DBH: variants seen among roughly 807,000 people sequenced by gnomAD.
DBH encodes the protein dopamine beta-hydroxylase (dopamine beta-monooxygenase).
In DBH, 49 loss-of-function variants were observed where a neutral mutation model predicts 64.0. That is an observed-to-expected ratio of 0.77 (90% CI 0.61 to 0.97). The LOEUF is 0.97. DBH is among the 50% of genes least tolerant of loss of function. The pLI, the probability that DBH is intolerant of heterozygous loss-of-function variation, is 0.00. For missense variants in DBH, 828 were observed against 826.6 expected (o/e 1.00, Z -0.02); for synonymous variants, 343 against 347.1 (o/e 0.99, Z 0.13).
chr9:133,636,780 C>A, intron 1 of DBH, 70 bp downstream of exon 1: 1 of 1,387,482 alleles, frequency 7.2e-7, no homozygotes, highest in Non-Finnish European at 1.0e-6. Context: ...CGTCTTTCTG[C>A]ACTCACCCTC....
At position 133,640,556 on chromosome 9, in the gene DBH, C is replaced by T. The variant is rs185870035; in HGVS notation, c.486+564C>T. Among the ~76,000 whole-genome samples, 16 of 152,356 alleles carry T rather than the reference C, an allele frequency of 1.1e-4. No homozygotes were observed. In the East Asian group the frequency reaches 2.7e-3, roughly 26 times the overall value. On this transcript the variant is annotated intron_variant, in intron 2 of 11. Transcript: ENST00000393056. The stretch of plus-strand genomic sequence containing the variant: ...TAGGCTTCTTATGCTGCTCTAAGAG[C>T]CCCCCAACCTCTTAGGGAAAGCAAC...
At chr9:133,652,352 T>G (rs1588352776) in intron 8 of DBH, 68 bp downstream of exon 8, 1 of 1,566,302 alleles carries the variant, frequency 6.4e-7, no homozygotes, top group Non-Finnish European at 8.7e-7. Context: ...GGGCTGGGGG[T>G]GCCACCAGAA....
In DBH at chr9:133,656,586, C is replaced by G. The variant is rs1015530973; in HGVS notation, c.1498C>G (p.Leu500Val). 1.4e-5 allele frequency: 23 copies of G among 1,613,694 alleles called. No homozygotes were observed. In the East Asian group the frequency reaches 4.0e-4, roughly 28 times the overall value. The stretch of plus-strand genomic sequence containing the variant: ...CGTGCACTACTACCCCCAGACGCAG[C>G]TGGAGCTCTGCAAGAGCGCTGTGGA... ...NYVHYYPQTQ[L>V]ELCKSAVDAG... The change falls in exon 10 of 12, where the codon CTG becomes GTG. Residue 500 changes from leucine (L) to valine (V), a missense_variant. Physicochemically the swap from Leu to Val is conservative, Grantham distance 32 (BLOSUM62 1). Coordinates refer to ENST00000393056, the MANE Select transcript of DBH (RefSeq NM_000787.4).
chr9:133,643,494 G>T lies in DBH; in HGVS notation c.826G>T (p.Val276Phe). The change falls in exon 4 of 12, where the codon GTC (valine) becomes TTC (phenylalanine). Residue 276 changes from valine to phenylalanine, a missense_variant. Physicochemically the swap from Val to Phe is conservative, Grantham distance 50. Transcript: ENST00000393056. The surrounding 1 kb of genome is among the most constrained non-coding windows in gnomAD (Gnocchi z 5.3). ...CCAGTGCGCCCCCGAGATGGACAGC[G>T]TCCCCCACTTCAGCGGGCCCTGCGA... ...VFQCAPEMDS[V>F]PHFSGPCDSK... is the part of the protein sequence containing the mutation. The T allele has an allele frequency of 6.2e-7, 1 of 1,613,736 alleles. No homozygotes were observed. The highest frequency in any genetic ancestry group is 1.1e-5 in the South Asian group (1 of 91,076).
chr9:133,651,173 C>A (rs73662172), intron 6 of DBH, among the ~76,000 whole-genome samples: 1 of 152,246 alleles, frequency 6.6e-6, no homozygotes, highest in African/African-American at 2.4e-5. Flanking sequence ...GAAGGTCCTG[C>A]TCGGCCCACC....
rs115282429 is a variant in DBH, at chr9:133,636,816, C to T, written c.339+106C>T. The T allele has an allele frequency of 4.9e-4, 545 of 1,108,804 alleles. 2 individuals are homozygous for T. In the African/African-American group the frequency reaches 7.5e-3, roughly 15 times the overall value. 68.7% of individuals were successfully genotyped at this position (1,108,804 alleles called of 1,614,324 possible). A position where few individuals can be genotyped will look rare whatever the true frequency, so the allele number is the denominator to read the frequency against. ...CTTAACCCAGAAAGTTCTTCTGTCA[C>T]CTGTCAGTGTTTGAGTTGACTCTGC... On this transcript the variant is annotated intron_variant, in intron 1 of 11. Coordinates refer to ENST00000393056, the MANE Select transcript of DBH (RefSeq NM_000787.4).
At chr9:133,657,594 C>T (rs1034514506) in intron 11 of DBH, among the ~76,000 whole-genome samples, 17 of 151,942 alleles carry the variant, frequency 1.1e-4, no homozygotes, top group African/African-American at 3.6e-4. Context: ...CACACTGTAC[C>T]GAATGCCAAA....
rs913230228 is a variant in DBH, at chr9:133,643,056, A to G, written c.745-357A>G. Among the ~76,000 whole-genome samples the G allele has an allele frequency of 6.6e-5, 10 of 152,136 alleles. No individual in the cohort carries two copies. The highest frequency in any genetic ancestry group is 1.3e-4 in the Non-Finnish European group (9 of 68,026). ...GTGTCCAGAGTCACACAGCAGGAAG[A>G]GGCATGGCCTTGAAGGTGCGCTTTG... On this transcript the variant is annotated intron_variant, in intron 3 of 11. Transcript: ENST00000393056. The surrounding 1 kb of genome is among the most constrained non-coding windows in gnomAD (Gnocchi z 5.3).
chr9:133,646,716 G>C (rs1236245887), intron 5 of DBH, among the ~76,000 whole-genome samples: 2 of 151,878 alleles, frequency 1.3e-5, no homozygotes, highest in Non-Finnish European at 2.9e-5. Flanking sequence ...TAGAGACAGG[G>C]TTTCGCCATG....
Position 133,636,476 on chromosome 9 carries a change from C to T in DBH, c.105C>T (p.Ala35=), listed in dbSNP as rs140025171. The change falls in exon 1 of 12, where the codon GCC becomes GCT. Residue 35 remains alanine (A), a synonymous_variant. Coordinates refer to ENST00000393056, the MANE Select transcript of DBH (RefSeq NM_000787.4). ...AVAIFLVILV[A]ALQGSAPRES... ...CCATCTTCCTGGTCATCCTGGTGGCCGCACTGCAGGGCTCGGCTCCCCGTG... is the reference window on the plus strand; with the variant it reads ...CCATCTTCCTGGTCATCCTGGTGGCTGCACTGCAGGGCTCGGCTCCCCGTG... 6.8e-4 allele frequency: 1,092 copies of T among 1,613,070 alleles called. 10 individuals are homozygous for T. Among genetic ancestry groups the T allele is most frequent in the South Asian group, 6.0e-3 (550 of 91,078 alleles).
intron 1 of DBH, among the ~76,000 whole-genome samples, chr9:133,637,440 G>T (rs1253208726): frequency 6.6e-6 from 1 of 152,256 alleles, no homozygotes; most frequent in Non-Finnish European, 1.5e-5. Flanking sequence ...CCTACAATGG[G>T]TCCTGCTCCA....
At chr9:133,652,360 G>T in intron 8 of DBH, 76 bp downstream of exon 8, 1 of 1,531,400 alleles carries the variant, frequency 6.5e-7, no homozygotes. Flanking sequence ...GGTGCCACCA[G>T]AAGGAGAGGG....
In DBH at chr9:133,636,539, G is replaced by A. The variant is rs1303774367; in HGVS notation, c.168G>A (p.Glu56=). The A allele has an allele frequency of 1.9e-6, 3 of 1,613,516 alleles. No homozygotes were observed. The South Asian group carries it at 3.3e-5, about 18-fold the overall frequency. The change falls in exon 1 of 12, where the codon GAG becomes GAA. Residue 56 remains glutamate (E), a synonymous_variant. Coordinates refer to ENST00000393056, the MANE Select transcript of DBH (RefSeq NM_000787.4). ...PLPYHIPLDP[E]GSLELSWNVS... ...CCTATCACATCCCCCTGGACCCGGA[G>A]GGGTCCCTGGAGCTCTCATGGAATG...
Position 133,656,031 on chromosome 9 carries a change from C to T in DBH, c.1435-492C>T, listed in dbSNP as rs1382204066. ...AGAGTCCCTGCTCCCCTCAGAGCCA[C>T]GTTGGAGAAATGACTGGTGGACGGT... is the stretch of plus-strand genomic sequence containing the variant. On this transcript the variant is annotated intron_variant, in intron 9 of 11. Coordinates refer to ENST00000393056, the MANE Select transcript of DBH (RefSeq NM_000787.4). 10 of 237,806 alleles carry T rather than the reference C, an allele frequency of 4.2e-5. No individual in the cohort carries two copies. In the East Asian group the frequency reaches 9.3e-4, roughly 22 times the overall value. 14.7% of individuals were successfully genotyped at this position (237,806 alleles called of 1,614,324 possible).
At chr9:133,646,765 C>T (rs965594356) in intron 5 of DBH, among the ~76,000 whole-genome samples, 1 of 152,178 alleles carries the variant, frequency 6.6e-6, no homozygotes, top group Non-Finnish European at 1.5e-5. Context: ...CTCAGGTGAT[C>T]CACACACCTC....
chr9:133,656,249 A>G (rs1445863679), intron 9 of DBH: 5 of 441,086 alleles, frequency 1.1e-5, no homozygotes, highest in Non-Finnish European at 2.1e-5. Context: ...AATGGGCACA[A>G]TAACACCCCA....
At chr9:133,656,689 C>A (rs1326134143) in intron 10 of DBH, 39 bp downstream of exon 10, 3 of 1,607,784 alleles carry the variant, frequency 1.9e-6, no homozygotes, top group South Asian at 1.1e-5. Flanking sequence ...CCCCAGGGAA[C>A]CCCGACACAG....
intron 9 of DBH, among the ~76,000 whole-genome samples, chr9:133,654,261 G>A (rs893434882): frequency 2.6e-5 from 4 of 152,158 alleles, no homozygotes; most frequent in African/African-American, 4.8e-5. Flanking sequence ...CCACCACCAC[G>A]CCTGGCTAAT....
intron 11 of DBH, among the ~76,000 whole-genome samples, chr9:133,658,080 G>T (rs572004993): frequency 1.3e-5 from 2 of 151,978 alleles, no homozygotes; most frequent in East Asian, 2.0e-4. Flanking sequence ...GGACAGAGGC[G>T]GGGAGAGGCC....
Sources: gnomAD v4.1 joint callset for allele counts (sites outside exome capture counted in the v4.1 genomes callset) on GRCh38, gnomAD v4.1.1 for gene constraint, Gnocchi (gnomAD v3.1) non-coding constraint, MANE v1.5 for transcripts, NCBI Gene and HGNC (gene_info 2026-07-23, HGNC 2026-07-21) for gene names.